The following CDC73 variants were observed in gnomAD, a reference collection of about 807,000 sequenced individuals.
CDC73 encodes cell division cycle 73.
CDC73 carries 21 observed loss-of-function variants against 83.7 expected under a neutral mutation model. That is an observed-to-expected ratio of 0.25 (90% CI 0.18 to 0.36). The LOEUF (loss-of-function observed/expected upper bound fraction) is 0.36, where lower values mean the gene tolerates loss of function less well. CDC73 is among the 10% of genes least tolerant of loss of function. CDC73 has a pLI of 1.00. For missense variants in CDC73, 342 were observed against 653.3 expected (o/e 0.52, Z 5.19); for synonymous variants, 224 against 212.9 (o/e 1.05, Z -0.45).
At chr1:193,246,403 C>T (rs531495566) in intron 15 of CDC73, among the ~76,000 whole-genome samples, 14 of 152,018 alleles carry the variant, frequency 9.2e-5, no homozygotes, top group Non-Finnish European at 2.1e-4. Context: ...TTCTTGTTTG[C>T]AGATGCCATG....
chr1:193,228,762 G>GT (rs149325600), intron 13 of CDC73, among the ~76,000 whole-genome samples: 8,604 of 148,738 alleles, frequency 0.058, 580 homozygotes, highest in African/African-American at 0.17. Context: ...CTTTGAAATA[G>GT]TTTTTTTTTT....
intron 13 of CDC73, among the ~76,000 whole-genome samples, chr1:193,221,419 T>C (rs960410260): frequency 6.6e-6 from 1 of 152,192 alleles, no homozygotes; most frequent in African/African-American, 2.4e-5. Flanking sequence ...GCATTTACTG[T>C]ATTTTTTTAA....
chr1:193,199,923 A>C (rs1390810026), intron 10 of CDC73, among the ~76,000 whole-genome samples: 2 of 151,992 alleles, frequency 1.3e-5, no homozygotes, highest in Non-Finnish European at 2.9e-5. Context: ...TGGAGTCTGC[A>C]TATATGTTCT....
intron 6 of CDC73, among the ~76,000 whole-genome samples, chr1:193,140,022 C>T (rs886079695): frequency 6.6e-6 from 1 of 152,216 alleles, no homozygotes; most frequent in Non-Finnish European, 1.5e-5. Context: ...GTGCAGTTCT[C>T]AGGTCTTCTG....
chr1:193,197,550 A>T (rs1319182798), intron 10 of CDC73, among the ~76,000 whole-genome samples: 1 of 152,158 alleles, frequency 6.6e-6, no homozygotes, highest in African/African-American at 2.4e-5. Context: ...GATTGCAAGC[A>T]CCATGAGGGT....
Position 193,130,209 on chromosome 1 carries a change from A to C in CDC73, c.273A>C (p.Arg91=), listed in dbSNP as rs1675670810. The part of the protein sequence containing the change: ...ENIPVVRRPD[R]KDLLGYLNGE... ...TTCCTGTGGTTAGAAGACCTGATCGAAAAGATCTACTTGGATATCTCAATG... is the reference window on the plus strand; with the variant it reads ...TTCCTGTGGTTAGAAGACCTGATCGCAAAGATCTACTTGGATATCTCAATG... The change falls in exon 3 of 17, where the codon CGA becomes CGC. Residue 91 remains arginine, a synonymous_variant. Transcript: ENST00000367435. 1 of 1,605,790 alleles carries C rather than the reference A, an allele frequency of 6.2e-7. No individual in the cohort carries two copies. The highest frequency in any genetic ancestry group is 1.3e-5 in the African/African-American group (1 of 74,786).
intron 11 of CDC73, among the ~76,000 whole-genome samples, chr1:193,211,608 A>G (rs1425098185): frequency 2.0e-5 from 3 of 152,218 alleles, no homozygotes; most frequent in South Asian, 4.1e-4. Flanking sequence ...AAGCACTGTG[A>G]TAACAGTGAG....
intron 10 of CDC73, chr1:193,181,052 GA>G: frequency 9.9e-6 from 16 of 1,613,852 alleles, no homozygotes; most frequent in Non-Finnish European, 1.4e-5. Flanking sequence ...CAAGTTTGCC[GA>G]ATAGCTCTTC....
intron 11 of CDC73, among the ~76,000 whole-genome samples, chr1:193,211,463 T>C (rs1039710816): frequency 3.9e-5 from 6 of 152,208 alleles, no homozygotes; most frequent in Non-Finnish European, 8.8e-5. Context: ...GTCTACTTAG[T>C]AGTAGAGATT....
In CDC73 at chr1:193,128,612, G is replaced by T. The variant is rs909637536; in HGVS notation, c.238-1562G>T. Among the ~76,000 whole-genome samples, 4 of 152,182 alleles carry T rather than the reference G, an allele frequency of 2.6e-5. 1 individual carries two copies. The South Asian group carries it at 6.2e-4, about 24-fold the overall frequency. ...GAACCACCATGCCTGGCCTAGGCTGGTTTAAAAGAATACAAGCACAAAAAA... is the reference window on the plus strand; with the variant it reads ...GAACCACCATGCCTGGCCTAGGCTGTTTTAAAAGAATACAAGCACAAAAAA... On this transcript the variant is annotated intron_variant, in intron 2 of 16. Coordinates refer to ENST00000367435, the MANE Select transcript of CDC73 (RefSeq NM_024529.5).
chr1:193,162,294 TTATA>T (rs1226141566), intron 10 of CDC73, among the ~76,000 whole-genome samples: 2 of 123,066 alleles, frequency 1.6e-5, no homozygotes, highest in East Asian at 2.1e-4. Context: ...ATATGATATA[TTATA>T]TATACTATAT....
At chr1:193,181,134 A>G in intron 10 of CDC73, 3 of 1,614,030 alleles carry the variant, frequency 1.9e-6, no homozygotes, top group South Asian at 2.2e-5. Context: ...GGCATTTTTC[A>G]GGCTCATTAA....
chr1:193,210,441 C>T (rs941758290), intron 11 of CDC73, among the ~76,000 whole-genome samples: 2 of 152,166 alleles, frequency 1.3e-5, no homozygotes, highest in Non-Finnish European at 2.9e-5. Context: ...TCAAGCACAG[C>T]TTGTAGCACA....
intron 10 of CDC73, among the ~76,000 whole-genome samples, chr1:193,178,046 G>A (rs1676641831): frequency 6.6e-6 from 1 of 152,134 alleles, no homozygotes; most frequent in Admixed American, 6.5e-5. Flanking sequence ...AAATCACATA[G>A]TGTCGGGATG....
At chr1:193,201,988 A>G (rs1040111009) in intron 10 of CDC73, among the ~76,000 whole-genome samples, 20 of 152,118 alleles carry the variant, frequency 1.3e-4, no homozygotes, top group African/African-American at 4.8e-4. Context: ...AAATGTGGAC[A>G]GAAGATGTCT....
At chr1:193,222,323 T>G (rs181187154) in intron 13 of CDC73, among the ~76,000 whole-genome samples, 4 of 152,050 alleles carry the variant, frequency 2.6e-5, no homozygotes, top group Non-Finnish European at 5.9e-5. Context: ...ATTCAGCACA[T>G]GTATGTGAGA....
intron 1 of CDC73, 107 bp downstream of exon 1, chr1:193,122,438 A>G: frequency 7.0e-7 from 1 of 1,427,430 alleles, no homozygotes; most frequent in Non-Finnish European, 9.8e-7. Context: ...ATGGGATAAA[A>G]CGGGTGTTCG....
At position 193,251,322 on chromosome 1, in the gene CDC73, A is replaced by G. The variant is rs1298250772; in HGVS notation, c.*610A>G. Reference sequence around the variant, plus strand: ...CAAATGATTACATTTAAATGAATGTACATTCTTCTCACTGACTTTGGTGAT... The same window carrying G: ...CAAATGATTACATTTAAATGAATGTGCATTCTTCTCACTGACTTTGGTGAT... On this transcript the variant is annotated 3_prime_UTR_variant, in exon 17 of 17. Transcript: ENST00000367435. 1 of 231,966 alleles carries G rather than the reference A, an allele frequency of 4.3e-6. No individual in the cohort carries two copies. Among genetic ancestry groups the G allele is most frequent in the Non-Finnish European group, 8.5e-6 (1 of 116,994 alleles). 14.4% of individuals were successfully genotyped at this position (231,966 alleles called of 1,614,324 possible). A position where few individuals can be genotyped will look rare whatever the true frequency, so the allele number is the denominator to read the frequency against.
intron 15 of CDC73, among the ~76,000 whole-genome samples, chr1:193,244,917 C>T (rs1677927255): frequency 6.6e-6 from 1 of 152,132 alleles, no homozygotes; most frequent in Non-Finnish European, 1.5e-5. Context: ...GAGACTTTGT[C>T]TTGGTCACTA....
Sources: allele counts gnomAD v4.1 joint callset (sites outside exome capture counted in the v4.1 genomes callset), GRCh38; gene constraint gnomAD v4.1.1; transcripts MANE v1.5; gene names NCBI Gene and HGNC (gene_info 2026-07-23, HGNC 2026-07-21).